SLCO3A1: variants seen among roughly 807,000 people sequenced by gnomAD.
The protein encoded by SLCO3A1 is solute carrier organic anion transporter family member 3A1.
Under a neutral mutation model 63.1 loss-of-function variants are expected in SLCO3A1, and 27 were observed. That is an observed-to-expected ratio of 0.43 (90% CI 0.32 to 0.59). The LOEUF (loss-of-function observed/expected upper bound fraction) is 0.59, where lower values mean the gene tolerates loss of function less well. Among genes scored for constraint, SLCO3A1 ranks in the 20% least tolerant of loss-of-function variants. The probability of loss-of-function intolerance (pLI) is 0.09; values close to 1 mark genes in which losing one functional copy is unlikely to be tolerated. For missense variants in SLCO3A1, 773 were observed against 945.8 expected, an observed-to-expected ratio of 0.82 and a Z score of 2.40; for synonymous variants, 473 against 409.9, an observed-to-expected ratio of 1.15 and a Z score of -1.86.
intron 9 of SLCO3A1, among the ~76,000 whole-genome samples, chr15:92,154,353 G>A (rs74028846): frequency 0.19 from 29,473 of 152,208 alleles, 3,045 homozygotes; most frequent in African/African-American, 0.25. Context: ...TGGGAGTGGT[G>A]TAGACCAGCG....
At chr15:92,126,308 G>A (rs766677119) in intron 6 of SLCO3A1, 49 bp downstream of exon 6, 22 of 1,517,578 alleles carry the variant, frequency 1.4e-5, no homozygotes, top group Non-Finnish European at 1.9e-5. Context: ...AGGGACCCTA[G>A]CAATCTCCCT....
At chr15:91,969,682 C>G (rs773096347) in intron 2 of SLCO3A1, among the ~76,000 whole-genome samples, 4 of 152,210 alleles carry the variant, frequency 2.6e-5, no homozygotes, top group Non-Finnish European at 5.9e-5. Flanking sequence ...ACTCATAAGA[C>G]TCCATCTATA....
At chr15:92,036,544 G>C (rs1444252820) in intron 2 of SLCO3A1, among the ~76,000 whole-genome samples, 1 of 152,044 alleles carries the variant, frequency 6.6e-6, no homozygotes, top group Non-Finnish European at 1.5e-5. Context: ...TACACACCTT[G>C]ATAGGGAGCT....
intron 2 of SLCO3A1, among the ~76,000 whole-genome samples, chr15:91,984,989 A>G (rs934255136): frequency 1.3e-5 from 2 of 152,160 alleles, no homozygotes; most frequent in Non-Finnish European, 2.9e-5. Context: ...AGAGAAGCAC[A>G]TAAGTGCTTC....
At chr15:92,099,134 C>T (rs916933543) in intron 3 of SLCO3A1, among the ~76,000 whole-genome samples, 3 of 152,228 alleles carry the variant, frequency 2.0e-5, no homozygotes, top group African/African-American at 2.4e-5. Flanking sequence ...ACACACCAGC[C>T]GGCCTCGCAG....
chr15:92,086,096 G>C (rs1388658967), intron 2 of SLCO3A1, among the ~76,000 whole-genome samples: 3 of 152,192 alleles, frequency 2.0e-5, no homozygotes, highest in Non-Finnish European at 4.4e-5. Flanking sequence ...GCGCATTCTT[G>C]GATGCTTCTC....
Position 92,163,570 on chromosome 15 carries a change from C to G in SLCO3A1, c.*435C>G, listed in dbSNP as rs535926921. 30 of 983,828 alleles carry G rather than the reference C, an allele frequency of 3.0e-5. No individual in the cohort carries two copies. The highest frequency in any genetic ancestry group is 3.4e-5 in the Non-Finnish European group (28 of 828,810). The allele number at this position is 983,828 out of a possible 1,614,324, so 60.9% of individuals were successfully genotyped here. ...ATAAAAAAAATTAAAAAAAAAAAAC[C>G]CACAAGTTGAAAACATTGCCAGATT... On this transcript the variant is annotated 3_prime_UTR_variant, in exon 10 of 10. Coordinates refer to ENST00000318445, the MANE Select transcript of SLCO3A1 (RefSeq NM_013272.4).
At chr15:91,993,945 C>G (rs148128417) in intron 2 of SLCO3A1, among the ~76,000 whole-genome samples, 1 of 152,302 alleles carries the variant, frequency 6.6e-6, no homozygotes, top group Non-Finnish European at 1.5e-5. Context: ...CCCCAACTTT[C>G]CAGCCATGAA....
chr15:91,982,863 C>T (rs1055826032), intron 2 of SLCO3A1, among the ~76,000 whole-genome samples: 1 of 152,212 alleles, frequency 6.6e-6, no homozygotes, highest in Non-Finnish European at 1.5e-5. Context: ...TCTCCCAAGC[C>T]CAGGCCTGTG....
At chr15:91,960,304 C>G (rs1257525568) in intron 2 of SLCO3A1, among the ~76,000 whole-genome samples, 4 of 152,156 alleles carry the variant, frequency 2.6e-5, no homozygotes, top group Non-Finnish European at 5.9e-5. Context: ...TTTATGACTG[C>G]CTTCTTTCAC....
At chr15:91,889,201 T>G in intron 1 of SLCO3A1, 3 of 1,277,284 alleles carry the variant, frequency 2.3e-6, no homozygotes, top group Non-Finnish European at 3.1e-6. Context: ...GCTCCTTAGA[T>G]GAATGTAAGT....
chr15:92,162,061 G>A (rs1161902738), intron 9 of SLCO3A1: 1 of 151,284 alleles, frequency 6.6e-6, no homozygotes, highest in Non-Finnish European at 1.5e-5. Flanking sequence ...TCTCAGCAGA[G>A]GATGATGATG....
chr15:92,026,847 C>T (rs899684528), intron 2 of SLCO3A1, among the ~76,000 whole-genome samples: 5 of 152,058 alleles, frequency 3.3e-5, no homozygotes, highest in Non-Finnish European at 7.4e-5. Flanking sequence ...CCAGCATTTT[C>T]GGAGGCCAAG....
At position 92,163,197 on chromosome 15, in the gene SLCO3A1, GAAA is replaced by G. The variant is rs1246079287; in HGVS notation, c.*67_*69del. ...AAGGGTCATTTTTTTCTTAAAAAAAGAAAAAAAGGTTCCAAAAAAAACCAAAAC... is the reference window on the plus strand; with the variant it reads ...AAGGGTCATTTTTTTCTTAAAAAAAGAAAAGGTTCCAAAAAAAACCAAAAC... On this transcript the variant is annotated 3_prime_UTR_variant, in exon 10 of 10. Transcript: ENST00000318445. 23 of 1,428,906 alleles carry G rather than the reference GAAA, an allele frequency of 1.6e-5. No individual in the cohort carries two copies. Among genetic ancestry groups the G allele is most frequent in the Non-Finnish European group, 2.0e-5 (22 of 1,097,010 alleles). The allele number at this position is 1,428,906 out of a possible 1,614,324, so 88.5% of individuals were successfully genotyped here. A position where few individuals can be genotyped will look rare whatever the true frequency, so the allele number is the denominator to read the frequency against.
chr15:91,892,829 G>A (rs548855062), intron 1 of SLCO3A1, among the ~76,000 whole-genome samples: 73 of 152,238 alleles, frequency 4.8e-4, no homozygotes, highest in African/African-American at 1.8e-3. Context: ...AAATTTCCTT[G>A]TACGTAAAAT....
At chr15:92,136,719 C>T (rs980866618) in intron 7 of SLCO3A1, among the ~76,000 whole-genome samples, 1 of 152,114 alleles carries the variant, frequency 6.6e-6, no homozygotes, top group Non-Finnish European at 1.5e-5. Context: ...AGGGACTCTC[C>T]CTTTCACCTG....
intron 1 of SLCO3A1, among the ~76,000 whole-genome samples, chr15:91,881,877 A>G (rs555690150): frequency 6.6e-6 from 1 of 152,276 alleles, no homozygotes; most frequent in African/African-American, 2.4e-5. Flanking sequence ...TTACCACTGG[A>G]ATGTCATGCT....
chr15:91,925,615 G>A (rs758437171), intron 2 of SLCO3A1, among the ~76,000 whole-genome samples: 16 of 152,088 alleles, frequency 1.1e-4, no homozygotes, highest in Non-Finnish European at 2.4e-4. Context: ...ACAGTGACAG[G>A]CCCCAGAAGT....
chr15:92,160,489 G>C (rs1044949625), intron 9 of SLCO3A1, among the ~76,000 whole-genome samples: 2 of 152,100 alleles, frequency 1.3e-5, no homozygotes, highest in African/African-American at 4.8e-5. Context: ...GGAATGCTAC[G>C]AATATGCGCT....
Sources: allele counts gnomAD v4.1 joint callset (sites outside exome capture counted in the v4.1 genomes callset), GRCh38; gene constraint gnomAD v4.1.1; transcripts MANE v1.5; gene names NCBI Gene and HGNC (gene_info 2026-07-23, HGNC 2026-07-21).